The following GALNTL5 variants were observed in gnomAD, a reference collection of about 807,000 sequenced individuals.
The protein encoded by GALNTL5 is inactive polypeptide N-acetylgalactosaminyltransferase-like protein 5.
In GALNTL5, 44 loss-of-function variants were observed where a neutral mutation model predicts 51.0. The ratio of observed to expected loss-of-function variants is 0.86; its 90% CI spans 0.68 to 1.11. The LOEUF is 1.11. GALNTL5 is among the 50% of genes least tolerant of loss of function. The pLI, the probability that GALNTL5 is intolerant of heterozygous loss-of-function variation, is 0.00. For synonymous variants in GALNTL5, 192 were observed against 182.8 expected (o/e 1.05, Z -0.41); for missense variants, 528 against 531.8 (o/e 0.99, Z 0.07).
chr7:152,014,915 A>T, intron 8 of GALNTL5, 122 bp downstream of exon 8: 1 of 863,342 alleles, frequency 1.2e-6, no homozygotes, highest in Non-Finnish European at 1.7e-6. Flanking sequence ...TCCTAAGCAA[A>T]TTAACACAGG....
chr7:151,995,863 G>C (rs1347665013), intron 5 of GALNTL5, among the ~76,000 whole-genome samples: 1 of 152,114 alleles, frequency 6.6e-6, no homozygotes, highest in Non-Finnish European at 1.5e-5. Context: ...GAACTCATCA[G>C]CCTTTTATCC....
chr7:151,977,144 A>T (rs1266136067), intron 3 of GALNTL5, among the ~76,000 whole-genome samples: 1 of 152,158 alleles, frequency 6.6e-6, no homozygotes, highest in Non-Finnish European at 1.5e-5. Flanking sequence ...ACTTTACAAT[A>T]TGGCCAATAG....
chr7:151,976,258 T>C (rs2081203745), intron 3 of GALNTL5, among the ~76,000 whole-genome samples: 1 of 152,200 alleles, frequency 6.6e-6, no homozygotes, highest in African/African-American at 2.4e-5. Context: ...TGACGTTGGG[T>C]GCAGATATAT....
chr7:152,018,845 T>C (rs1450301197), intron 8 of GALNTL5, among the ~76,000 whole-genome samples: 2 of 152,130 alleles, frequency 1.3e-5, no homozygotes, highest in African/African-American at 2.4e-5. Context: ...CATAATACAT[T>C]AATTTGGATG....
intron 1 of GALNTL5, among the ~76,000 whole-genome samples, chr7:151,963,882 C>T (rs1184726828): frequency 6.6e-6 from 1 of 152,174 alleles, no homozygotes; most frequent in Non-Finnish European, 1.5e-5. Flanking sequence ...CTTTCTTCCC[C>T]TTTCTGGTTC....
At chr7:151,958,717 A>G (rs551766217) in intron 1 of GALNTL5, among the ~76,000 whole-genome samples, 1 of 152,304 alleles carries the variant, frequency 6.6e-6, no homozygotes, top group Admixed American at 6.5e-5. Context: ...GGAAGGTTAC[A>G]GTGTTACAGC....
At chr7:151,971,761 C>T (rs2151941340) in intron 3 of GALNTL5, among the ~76,000 whole-genome samples, 1 of 152,278 alleles carries the variant, frequency 6.6e-6, no homozygotes, top group East Asian at 1.9e-4. Flanking sequence ...ATGCTGTTCT[C>T]ATGATAGTGA....
At chr7:151,992,286 G>A (rs1386953917) in intron 5 of GALNTL5, among the ~76,000 whole-genome samples, 4 of 152,108 alleles carry the variant, frequency 2.6e-5, no homozygotes, top group African/African-American at 9.7e-5. Flanking sequence ...TTATCATTTA[G>A]TTACTATGTT....
intron 4 of GALNTL5, among the ~76,000 whole-genome samples, chr7:151,985,229 C>CG (rs1217348234): frequency 6.6e-6 from 1 of 152,126 alleles, no homozygotes; most frequent in Non-Finnish European, 1.5e-5. Flanking sequence ...ACAAACATAC[C>CG]GGCCGTAAGA....
At chr7:151,958,573 G>A (rs561166597) in intron 1 of GALNTL5, among the ~76,000 whole-genome samples, 1 of 152,298 alleles carries the variant, frequency 6.6e-6, no homozygotes, top group Non-Finnish European at 1.5e-5. Context: ...TGCAAGGGGT[G>A]TGTTGCAGCT....
At chr7:151,989,230 A>G (rs950568730) in intron 5 of GALNTL5, among the ~76,000 whole-genome samples, 1 of 151,018 alleles carries the variant, frequency 6.6e-6, no homozygotes, top group Non-Finnish European at 1.5e-5. Context: ...GCTCACTGCA[A>G]CCTCCATCTC....
At position 151,983,163 on chromosome 7, in the gene GALNTL5, A is replaced by G. The variant is rs575727995; in HGVS notation, c.535+11A>G. The G allele has an allele frequency of 6.2e-7, 1 of 1,601,122 alleles. No individual in the cohort carries two copies. The highest frequency in any genetic ancestry group is 1.7e-5 in the Admixed American group (1 of 59,930). The stretch of plus-strand genomic sequence containing the variant: ...ACATGAGCAAAGTTGGTAAGATAGA[A>G]CACTCATTATCTCATCTACTTTGTT... On this transcript the variant is annotated intron_variant, in intron 4 of 8. Transcript: ENST00000392800.
intron 1 of GALNTL5, among the ~76,000 whole-genome samples, chr7:151,956,967 A>G (rs2080933124): frequency 6.6e-6 from 1 of 152,064 alleles, no homozygotes; most frequent in Non-Finnish European, 1.5e-5. Context: ...TAGATCTTAT[A>G]TGGAGATCAG....
chr7:152,007,669 C>T (rs1586850476), intron 6 of GALNTL5, among the ~76,000 whole-genome samples, 158 bp from the exon 7 acceptor site: 1 of 152,050 alleles, frequency 6.6e-6, no homozygotes, highest in African/African-American at 2.4e-5. Context: ...GCACCCGCCT[C>T]GGCCTCCCAA....
intron 1 of GALNTL5, among the ~76,000 whole-genome samples, chr7:151,958,046 C>T (rs1586797205): frequency 6.6e-6 from 1 of 152,098 alleles, no homozygotes; most frequent in South Asian, 2.1e-4. Flanking sequence ...AAAGAGAATT[C>T]CCCCCAAGTT....
At chr7:151,979,276 A>ATT (rs10681163) in intron 3 of GALNTL5, among the ~76,000 whole-genome samples, 47,951 of 131,232 alleles carry the variant, frequency 0.37, 9,540 homozygotes, top group Middle Eastern at 0.47. Context: ...CGCCCAGCTA[A>ATT]TTTTTTTTTT....
At chr7:152,005,765 A>G (rs1241853363) in intron 6 of GALNTL5, among the ~76,000 whole-genome samples, 1 of 152,224 alleles carries the variant, frequency 6.6e-6, no homozygotes. Context: ...ACTTGCTTCT[A>G]GAAGTCTTTA....
At chr7:151,963,493 G>C (rs1456225590) in intron 1 of GALNTL5, among the ~76,000 whole-genome samples, 1 of 152,224 alleles carries the variant, frequency 6.6e-6, no homozygotes, top group Admixed American at 6.5e-5. Flanking sequence ...GGCCTCCCGG[G>C]TTCAAGCCAT....
rs754694359 is a variant in GALNTL5, at chr7:151,967,062, T to C, written c.-39-146T>C. 109 of 550,394 alleles carry C rather than the reference T, an allele frequency of 2.0e-4. No individual in the cohort carries two copies. In the Middle Eastern group the frequency reaches 2.9e-3, roughly 15 times the overall value. The allele number at this position is 550,394 out of a possible 1,614,324, so 34.1% of individuals were successfully genotyped here. A position where few individuals can be genotyped will look rare whatever the true frequency, so the allele number is the denominator to read the frequency against. On this transcript the variant is annotated intron_variant, in intron 1 of 8. Transcript: ENST00000392800. ...TATCAGTTTTAGGAATTTGTGCTAA[T>C]AGAAATAAGGACACACTTTATGTAT...
Sources: allele counts gnomAD v4.1 joint callset (sites outside exome capture counted in the v4.1 genomes callset), GRCh38; gene constraint gnomAD v4.1.1; transcripts MANE v1.5; gene names NCBI Gene and HGNC (gene_info 2026-07-23, HGNC 2026-07-21).